The following ARHGAP18 variants were observed in gnomAD, a reference collection of about 807,000 sequenced individuals.
ARHGAP18 encodes rho GTPase-activating protein 18.
ARHGAP18 carries 67 observed loss-of-function variants against 86.2 expected under a neutral mutation model. That is an observed-to-expected ratio of 0.78 (90% confidence interval 0.64 to 0.95). ARHGAP18 has a LOEUF of 0.95. ARHGAP18 is among the 40% of genes least tolerant of loss of function. The pLI, the probability that ARHGAP18 is intolerant of heterozygous loss-of-function variation, is 0.00. For missense variants in ARHGAP18, 691 were observed against 780.4 expected (o/e 0.89, Z 1.37); for synonymous variants, 283 against 280.4 (o/e 1.01, Z -0.09).
chr6:129,636,378 A>G (rs1050612382), intron 3 of ARHGAP18, among the ~76,000 whole-genome samples: 2 of 152,254 alleles, frequency 1.3e-5, no homozygotes, highest in African/African-American at 4.8e-5. Flanking sequence ...GATACCTTAA[A>G]TATAAACCCT....
intron 5 of ARHGAP18, among the ~76,000 whole-genome samples, chr6:129,621,904 A>G (rs1264588138): frequency 6.6e-6 from 1 of 151,572 alleles, no homozygotes; most frequent in Non-Finnish European, 1.5e-5. Flanking sequence ...TGATGTCATG[A>G]AGATGCAAAT....
chr6:129,608,123 G>C (rs530490149), intron 8 of ARHGAP18, 71 bp from the exon 9 acceptor site: 1 of 1,407,574 alleles, frequency 7.1e-7, no homozygotes, highest in South Asian at 1.5e-5. Context: ...CTTGCTGAGA[G>C]TATGACACAT....
At chr6:129,599,090 C>G (rs1459303795) in intron 12 of ARHGAP18, 126 bp downstream of exon 12, 1 of 779,314 alleles carries the variant, frequency 1.3e-6, no homozygotes. Flanking sequence ...ATGTCTTTCA[C>G]TTACAAGTAG....
At chr6:129,648,352 C>G (rs979673813) in intron 1 of ARHGAP18, among the ~76,000 whole-genome samples, 1 of 151,900 alleles carries the variant, frequency 6.6e-6, no homozygotes. Flanking sequence ...TTTGTAGAGA[C>G]AGAGTCTCCT....
At chr6:129,601,247 A>G (rs1051311052) in intron 10 of ARHGAP18, among the ~76,000 whole-genome samples, 21 of 152,318 alleles carry the variant, frequency 1.4e-4, no homozygotes, top group African/African-American at 5.1e-4. Flanking sequence ...TTCCCTCAAA[A>G]AGGGTCATTC....
intron 1 of ARHGAP18, among the ~76,000 whole-genome samples, chr6:129,667,467 ATATG>A (rs748307610): frequency 3.8e-4 from 36 of 95,784 alleles, no homozygotes; most frequent in African/African-American, 1.1e-3. Flanking sequence ...AGAAAAATAT[ATATG>A]TGTGTGTGTG....
At chr6:129,701,734 C>A (rs1264161425) in intron 1 of ARHGAP18, among the ~76,000 whole-genome samples, 1 of 152,036 alleles carries the variant, frequency 6.6e-6, no homozygotes, top group Non-Finnish European at 1.5e-5. Flanking sequence ...CATGCCACTG[C>A]ACTCCAGCCT....
rs1285546740 is a variant in ARHGAP18, at chr6:129,655,337, A to AAAAAG, written c.114-13324_114-13320dup. Among the ~76,000 whole-genome samples, 268 of 98,608 alleles carry AAAAAG rather than the reference A, an allele frequency of 2.7e-3. 5 individuals carry two copies. Among genetic ancestry groups the AAAAAG allele is most frequent in the East Asian group, 0.011 (36 of 3,242 alleles). 64.7% of individuals were successfully genotyped at this position (98,608 alleles called of 152,430 possible). On this transcript the variant is annotated intron_variant, in intron 1 of 14. Coordinates refer to ENST00000368149, the MANE Select transcript of ARHGAP18 (RefSeq NM_033515.3). The stretch of plus-strand genomic sequence containing the variant: ...TCTCTCAAAAAAAAAAAAAAAAAAA[A>AAAAAG]AAAAGAAAAGAAAAGAAAAGAAAAG...
At chr6:129,658,390 T>A (rs1012008138) in intron 1 of ARHGAP18, among the ~76,000 whole-genome samples, 3 of 148,640 alleles carry the variant, frequency 2.0e-5, no homozygotes, top group African/African-American at 7.5e-5. Flanking sequence ...TACAAAAAAA[T>A]TAAAATAAAA....
rs1562696103 is a variant in ARHGAP18 at position 129,625,066 on chromosome 6, T to TATATAATATATATGATTGATATATATTC, written c.786+4286_786+4287insGAATATATATCAATCATATATATTATAT. 3.0e-5 allele frequency among the ~76,000 whole-genome samples: 3 copies of TATATAATATATATGATTGATATATATTC among 100,140 alleles called. 1 individual carries two copies. The highest frequency in any genetic ancestry group is 3.8e-5 in the African/African-American group (1 of 26,020). The allele number at this position is 100,140 out of a possible 152,430, so 65.7% of individuals were successfully genotyped here. A position where few individuals can be genotyped will look rare whatever the true frequency, so the allele number is the denominator to read the frequency against. ...ATAATATATATGATTGATATATATT[T>TATATAATATATATGATTGATATATATTC]ATATATAATATATATGATATATGAT... On this transcript the variant is annotated intron_variant, in intron 5 of 14. Transcript: ENST00000368149.
At chr6:129,700,267 GC>G (rs1449118492) in intron 1 of ARHGAP18, among the ~76,000 whole-genome samples, 1 of 152,164 alleles carries the variant, frequency 6.6e-6, no homozygotes, top group East Asian at 1.9e-4. Context: ...AAGTCAATTT[GC>G]TCTTTGAGGA....
At chr6:129,657,443 A>C (rs892009741) in intron 1 of ARHGAP18, among the ~76,000 whole-genome samples, 1 of 151,980 alleles carries the variant, frequency 6.6e-6, no homozygotes, top group African/African-American at 2.4e-5. Flanking sequence ...AAAAAAAAAA[A>C]AACAACTTAA....
At chr6:129,643,668 C>A (rs1773515990) in intron 1 of ARHGAP18, among the ~76,000 whole-genome samples, 2 of 152,300 alleles carry the variant, frequency 1.3e-5, no homozygotes, top group East Asian at 3.9e-4. Flanking sequence ...GATTGCTTCT[C>A]TCAAGAAGGA....
chr6:129,592,269 A>C (rs1788532014), intron 12 of ARHGAP18, among the ~76,000 whole-genome samples: 1 of 152,222 alleles, frequency 6.6e-6, no homozygotes, highest in Non-Finnish European at 1.5e-5. Flanking sequence ...TACCTGCAAC[A>C]ATGCTTTGCA....
chr6:129,597,313 T>C (rs1169759647), intron 12 of ARHGAP18, among the ~76,000 whole-genome samples: 1 of 152,096 alleles, frequency 6.6e-6, no homozygotes, highest in Non-Finnish European at 1.5e-5. Context: ...TTTTTATATT[T>C]TTAGCAGAGA....
chr6:129,697,596 CTAAG>C (rs1213169113), intron 1 of ARHGAP18, among the ~76,000 whole-genome samples: 1 of 152,088 alleles, frequency 6.6e-6, no homozygotes, highest in Non-Finnish European at 1.5e-5. Context: ...AAACCTTGTT[CTAAG>C]AAAATAACAG....
chr6:129,647,650 T>C (rs1232614556), intron 1 of ARHGAP18, among the ~76,000 whole-genome samples: 1 of 151,922 alleles, frequency 6.6e-6, no homozygotes, highest in Non-Finnish European at 1.5e-5. Context: ...ATTTTTGTTT[T>C]GGCTTCGTTC....
At chr6:129,609,472 C>T (rs1250965098) in intron 8 of ARHGAP18, among the ~76,000 whole-genome samples, 3 of 152,132 alleles carry the variant, frequency 2.0e-5, no homozygotes, top group Non-Finnish European at 4.4e-5. Context: ...ATTTTTGCCT[C>T]CTGTGAGCTG....
intron 1 of ARHGAP18, among the ~76,000 whole-genome samples, chr6:129,689,790 C>T (rs921564194): frequency 2.0e-5 from 3 of 152,174 alleles, no homozygotes; most frequent in Admixed American, 6.5e-5. Context: ...TCTATTTCAT[C>T]ACTCAGAAAA....
Sources: allele counts gnomAD v4.1 joint callset (sites outside exome capture counted in the v4.1 genomes callset), GRCh38; gene constraint gnomAD v4.1.1; transcripts MANE v1.5; gene names NCBI Gene and HGNC (gene_info 2026-07-23, HGNC 2026-07-21).